RASSF8: variants seen among roughly 807,000 people sequenced by gnomAD.
RASSF8 encodes ras association domain-containing protein 8.
Under a neutral mutation model 48.5 loss-of-function variants are expected in RASSF8, and 22 were observed. The observed-to-expected ratio is 0.45, with a 90% CI of 0.32 to 0.65. The LOEUF (loss-of-function observed/expected upper bound fraction) is 0.65. Ranked by LOEUF, RASSF8 falls within the 30% of genes least tolerant of loss-of-function variation. The probability of loss-of-function intolerance (pLI) is 0.03; values close to 1 mark genes in which losing one functional copy is unlikely to be tolerated. For missense variants in RASSF8, 418 were observed against 489.2 expected (o/e 0.85, Z 1.37); for synonymous variants, 127 against 171.5 (o/e 0.74, Z 2.03).
chr12:26,073,745 CTA>C (rs1944040095), downstream of RASSF8, among the ~76,000 whole-genome samples: 1 of 48,644 alleles, frequency 2.1e-5, no homozygotes, highest in Non-Finnish European at 5.0e-5. Flanking sequence ...CTCTCTCTCT[CTA>C]TACACACACA....
At chr12:26,030,786 G>A (rs146411496) in intron 2 of RASSF8, among the ~76,000 whole-genome samples, 13 of 151,606 alleles carry the variant, frequency 8.6e-5, no homozygotes, top group Non-Finnish European at 1.8e-4. Context: ...CACCCATACT[G>A]TACCAGACAA....
intron 1 of RASSF8, among the ~76,000 whole-genome samples, chr12:25,982,589 A>G (rs1489238216): frequency 1.3e-5 from 2 of 152,248 alleles, no homozygotes; most frequent in Admixed American, 6.5e-5. Flanking sequence ...AGTGAAAGCA[A>G]GAAATCAGAG....
At chr12:25,965,368 T>C (rs996427354) in intron 1 of RASSF8, among the ~76,000 whole-genome samples, 18 of 147,914 alleles carry the variant, frequency 1.2e-4, no homozygotes, top group Non-Finnish European at 1.8e-4. Flanking sequence ...AATTTCTTTT[T>C]TTTTTTTTTT....
Position 26,035,379 on chromosome 12 carries a change from CATATA to C in RASSF8, c.-108-19849_-108-19845del, listed in dbSNP as rs1223420714. On this transcript the variant is annotated intron_variant, in intron 2 of 5. Coordinates refer to ENST00000689635, the MANE Select transcript of RASSF8 (RefSeq NM_001394098.1). ...TACTGAAAAGATGAAATTATATAAT[CATATA>C]ATATAATTATATGAAATTATATAAT... 2.5e-4 allele frequency among the ~76,000 whole-genome samples: 30 copies of C among 118,070 alleles called. No homozygotes were observed. The South Asian group carries it at 2.6e-3, about 10-fold the overall frequency. 77.5% of individuals were successfully genotyped at this position (118,070 alleles called of 152,430 possible).
downstream of RASSF8, among the ~76,000 whole-genome samples, chr12:26,073,694 G>A (rs1041284792): frequency 3.2e-4 from 48 of 150,612 alleles, no homozygotes; most frequent in African/African-American, 1.1e-3. Flanking sequence ...AGCCGAGATC[G>A]CACCACTGCA....
At chr12:25,961,308 T>C (rs974364769) in intron 1 of RASSF8, among the ~76,000 whole-genome samples, 1 of 152,222 alleles carries the variant, frequency 6.6e-6, no homozygotes, top group Non-Finnish European at 1.5e-5. Flanking sequence ...ATCTTAGATA[T>C]CTTGCTAGTG....
At chr12:26,032,148 T>C (rs1943043788) in intron 2 of RASSF8, among the ~76,000 whole-genome samples, 1 of 152,190 alleles carries the variant, frequency 6.6e-6, no homozygotes, top group African/African-American at 2.4e-5. Flanking sequence ...GTCCTTCAGT[T>C]TGTAGCAGTT....
At position 26,072,404 on chromosome 12, in the gene RASSF8, G is replaced by A. The variant is rs897750869; in HGVS notation, c.*3586G>A. ...ATGCCAGGACAGTGACTGCCTGAAA[G>A]CTGCAGGAGCTCTTTTCAATGCATT... On this transcript the variant is annotated 3_prime_UTR_variant, in exon 6 of 6. Transcript: ENST00000689635. The A allele has an allele frequency of 7.1e-6, 7 of 982,452 alleles. No homozygotes were observed. The highest frequency in any genetic ancestry group is 8.5e-6 in the Non-Finnish European group (7 of 827,386). 60.9% of individuals were successfully genotyped at this position (982,452 alleles called of 1,614,324 possible).
chr12:26,056,451 C>T (rs1336369614), intron 3 of RASSF8, among the ~76,000 whole-genome samples: 1 of 152,196 alleles, frequency 6.6e-6, no homozygotes, highest in African/African-American at 2.4e-5. Flanking sequence ...TGGCCAGCAC[C>T]ATGCTAAGTG....
intron 1 of RASSF8, among the ~76,000 whole-genome samples, chr12:25,985,039 A>G (rs1316468654): frequency 2.6e-5 from 4 of 152,078 alleles, no homozygotes; most frequent in East Asian, 1.9e-4. Context: ...TGAGCCTTTC[A>G]TTTTTCAGAT....
intron 2 of RASSF8, among the ~76,000 whole-genome samples, chr12:26,008,298 A>G (rs1942441431): frequency 6.6e-6 from 1 of 152,138 alleles, no homozygotes; most frequent in Admixed American, 6.5e-5. Context: ...CTTAAATGTT[A>G]GATATAGATA....
At chr12:25,973,414 A>G (rs1941529638) in intron 1 of RASSF8, among the ~76,000 whole-genome samples, 1 of 152,110 alleles carries the variant, frequency 6.6e-6, no homozygotes, top group Non-Finnish European at 1.5e-5. Context: ...GGGACCATGG[A>G]CACATCATTT....
chr12:26,064,515 A>T lies in RASSF8; in HGVS notation c.121A>T (p.Thr41Ser). The T allele has an allele frequency of 6.4e-7, 1 of 1,573,666 alleles. No individual in the cohort carries two copies. Among genetic ancestry groups the T allele is most frequent in the Non-Finnish European group, 8.6e-7 (1 of 1,157,464 alleles). ...AQAIGRTGRY[T>S]LIEKWRDTER... ...TTACATAGGTCGAACTGGAAGGTAC[A>T]CCCTTATAGAGAAATGGAGAGATAC... Residue 41 changes from threonine to serine, a missense_variant, in exon 4 of 6, where the codon ACC becomes TCC. By Grantham distance (58) the Thr-to-Ser change is moderately conservative. Coordinates refer to ENST00000689635, the MANE Select transcript of RASSF8 (RefSeq NM_001394098.1).
At chr12:26,074,144 G>A (rs145273388), downstream of RASSF8, among the ~76,000 whole-genome samples, 543 of 152,234 alleles carry the variant, frequency 3.6e-3, 3 homozygotes, top group African/African-American at 0.013. Context: ...GTTAATGGCA[G>A]AGCAAGAAAC....
chr12:26,079,109 A>G (rs754906104), exon 6 of RASSF8: 4 of 1,462,544 alleles, frequency 2.7e-6, no homozygotes, highest in South Asian at 2.5e-5. Context: ...AAAAGCAAAA[A>G]TGAACAAGTG....
chr12:26,000,414 T>G (rs1294004291), intron 2 of RASSF8, among the ~76,000 whole-genome samples: 4 of 152,200 alleles, frequency 2.6e-5, no homozygotes, highest in Admixed American at 2.6e-4. Context: ...TTAATTTTGC[T>G]TATATCATGT....
chr12:26,036,972 A>C (rs1943166510), intron 2 of RASSF8, among the ~76,000 whole-genome samples: 1 of 152,122 alleles, frequency 6.6e-6, no homozygotes. Context: ...ATAAAGTAGT[A>C]TCTAAGTGAT....
intron 1 of RASSF8, among the ~76,000 whole-genome samples, chr12:25,967,870 A>AGG (rs1258015503): frequency 6.6e-6 from 1 of 152,222 alleles, no homozygotes; most frequent in African/African-American, 2.4e-5. Flanking sequence ...AACTGGAGTT[A>AGG]GAGACAACCC....
At chr12:26,064,438 T>C in intron 3 of RASSF8, 60 bp from the exon 4 acceptor site, 1 of 1,408,060 alleles carries the variant, frequency 7.1e-7, no homozygotes, top group Non-Finnish European at 9.5e-7. Context: ...GCATTCTTAC[T>C]CCATTTTTTA....
Sources: allele counts gnomAD v4.1 joint callset (sites outside exome capture counted in the v4.1 genomes callset), GRCh38; gene constraint gnomAD v4.1.1; transcripts MANE v1.5; gene names NCBI Gene and HGNC (gene_info 2026-07-23, HGNC 2026-07-21).